The following PRKG1 variants were observed in gnomAD, a reference collection of about 807,000 sequenced individuals.
PRKG1 encodes protein kinase cGMP-dependent 1, also known as cGMP-dependent protein kinase 1.
PRKG1 carries 35 observed loss-of-function variants against 88.1 expected under a neutral mutation model. The ratio of observed to expected loss-of-function variants is 0.40; its 90% CI spans 0.30 to 0.53. The LOEUF is 0.53. Ranked by LOEUF, PRKG1 falls within the 20% of genes least tolerant of loss-of-function variation. The pLI is 0.59. For synonymous variants in PRKG1, 303 were observed against 292.5 expected (o/e 1.04, Z -0.37); for missense variants, 540 against 839.8 (o/e 0.64, Z 4.41).
chr10:51,560,150 T>C (rs571406862), intron 3 of PRKG1, among the ~76,000 whole-genome samples: 21 of 152,244 alleles, frequency 1.4e-4, no homozygotes, highest in East Asian at 1.9e-4. Flanking sequence ...GCATTTTCAA[T>C]GGTAAAACAA....
chr10:51,942,406 T>G (rs970206345), intron 5 of PRKG1, among the ~76,000 whole-genome samples: 2 of 150,730 alleles, frequency 1.3e-5, no homozygotes, highest in African/African-American at 4.9e-5. Context: ...GTAGGTTGCC[T>G]GTTCACTCTG....
intron 14 of PRKG1, 49 bp downstream of exon 14, chr10:52,282,365 C>T (rs1842020108): frequency 6.7e-7 from 1 of 1,486,828 alleles, no homozygotes; most frequent in African/African-American, 1.4e-5. Context: ...CAGCATGCAG[C>T]TACACACTCC....
At chr10:51,074,935 G>T (rs1380292340) in intron 1 of PRKG1, 34 bp downstream of exon 1, 6 of 1,549,404 alleles carry the variant, frequency 3.9e-6, no homozygotes, top group Non-Finnish European at 5.3e-6. Flanking sequence ...TCCATGTGGC[G>T]CCCTGGCGAT....
chr10:51,082,537 C>T (rs996695419), intron 1 of PRKG1, among the ~76,000 whole-genome samples: 1 of 152,060 alleles, frequency 6.6e-6, no homozygotes, highest in African/African-American at 2.4e-5. Flanking sequence ...GTAACTTTAA[C>T]GTGTAGCAAA....
intron 7 of PRKG1, among the ~76,000 whole-genome samples, chr10:52,090,742 A>G (rs1483136857): frequency 6.6e-6 from 1 of 152,204 alleles, no homozygotes; most frequent in African/African-American, 2.4e-5. Context: ...TATTAATTAG[A>G]ATGCCTTTTT....
intron 2 of PRKG1, among the ~76,000 whole-genome samples, chr10:51,360,067 A>T (rs1842447723): frequency 6.6e-6 from 1 of 151,886 alleles, no homozygotes; most frequent in Non-Finnish European, 1.5e-5. Flanking sequence ...GTTAGTTGAG[A>T]ATTATGGTAG....
intron 7 of PRKG1, among the ~76,000 whole-genome samples, chr10:52,100,062 G>T (rs35345199): frequency 0.19 from 28,386 of 152,056 alleles, 3,295 homozygotes; most frequent in South Asian, 0.3. Context: ...AATGTCAGTG[G>T]CACTTTCAGA....
At chr10:51,023,326 T>C (rs1166069058) in intron 1 of PRKG1, among the ~76,000 whole-genome samples, 5 of 152,228 alleles carry the variant, frequency 3.3e-5, no homozygotes, top group African/African-American at 1.2e-4. Context: ...CCAAATTTGC[T>C]GTGTGAAAAA....
intron 3 of PRKG1, among the ~76,000 whole-genome samples, chr10:51,721,339 T>A (rs1842009566): frequency 6.6e-6 from 1 of 152,148 alleles, no homozygotes; most frequent in African/African-American, 2.4e-5. Context: ...TTTTATTAAA[T>A]GCACTCATGT....
chr10:51,410,019 C>A (rs1838034883), intron 2 of PRKG1, among the ~76,000 whole-genome samples: 1 of 151,940 alleles, frequency 6.6e-6, no homozygotes, highest in Admixed American at 6.6e-5. Flanking sequence ...TCTGTTGGGT[C>A]ATATGGCCCA....
At chr10:51,783,758 G>A (rs1049683050) in intron 3 of PRKG1, among the ~76,000 whole-genome samples, 1 of 152,080 alleles carries the variant, frequency 6.6e-6, no homozygotes, top group Non-Finnish European at 1.5e-5. Context: ...TTTGAGAACC[G>A]CTGCCTAAGT....
chr10:51,551,980 G>T (rs1401287105), intron 3 of PRKG1, among the ~76,000 whole-genome samples: 1 of 151,478 alleles, frequency 6.6e-6, no homozygotes, highest in Non-Finnish European at 1.5e-5. Context: ...AGAAATAATG[G>T]TTTTTTGAAT....
chr10:52,079,086 T>C (rs1589587063), intron 7 of PRKG1, among the ~76,000 whole-genome samples: 1 of 152,332 alleles, frequency 6.6e-6, no homozygotes, highest in Non-Finnish European at 1.5e-5. Context: ...TACATTTACC[T>C]GGTCACCCAG....
intron 2 of PRKG1, chr10:51,320,231 C>G (rs1841420441): frequency 6.1e-6 from 1 of 163,126 alleles, no homozygotes. Flanking sequence ...ACCTTACTAC[C>G]TTCCGTGCAC....
At chr10:51,286,399 C>T (rs1311215897) in intron 2 of PRKG1, among the ~76,000 whole-genome samples, 2 of 152,112 alleles carry the variant, frequency 1.3e-5, no homozygotes, top group Non-Finnish European at 2.9e-5. Context: ...ATGAATCGTC[C>T]CTTTTTCTTT....
intron 4 of PRKG1, among the ~76,000 whole-genome samples, chr10:51,904,422 A>T (rs1386848797): frequency 6.6e-6 from 1 of 152,094 alleles, no homozygotes; most frequent in Non-Finnish European, 1.5e-5. Context: ...CTAAACTAAT[A>T]TATTTCGTGG....
chr10:51,415,503 T>G (rs293243), intron 2 of PRKG1, among the ~76,000 whole-genome samples: 128,687 of 152,130 alleles, frequency 0.85, 55,070 homozygotes, highest in African/African-American at 0.94. Flanking sequence ...ATATTGACTT[T>G]TTCTCCTCCT....
At chr10:51,981,288 T>G (rs1240869122) in intron 5 of PRKG1, among the ~76,000 whole-genome samples, 1 of 152,162 alleles carries the variant, frequency 6.6e-6, no homozygotes, top group Non-Finnish European at 1.5e-5. Context: ...ATTTCTTTTC[T>G]TTAAGAATGT....
At chr10:51,277,474 A>G (rs774142422) in intron 2 of PRKG1, among the ~76,000 whole-genome samples, 13 of 148,526 alleles carry the variant, frequency 8.8e-5, no homozygotes, top group Non-Finnish European at 1.3e-4. Flanking sequence ...TGAACTTTAA[A>G]GTAGTTTTTT....
Sources: gnomAD v4.1 joint callset for allele counts (sites outside exome capture counted in the v4.1 genomes callset) on GRCh38, gnomAD v4.1.1 for gene constraint, MANE v1.5 for transcripts, NCBI Gene and HGNC (gene_info 2026-07-23, HGNC 2026-07-21) for gene names.